The following CADPS variants were observed in gnomAD, a reference collection of about 807,000 sequenced individuals.
CADPS encodes the protein calcium-dependent secretion activator 1.
A neutral mutation model predicts 167.3 loss-of-function variants in CADPS; 57 were observed. The ratio of observed to expected loss-of-function variants is 0.34; its 90% CI spans 0.28 to 0.42. The LOEUF is 0.42. Among genes scored for constraint, CADPS ranks in the 20% least tolerant of loss-of-function variants. The probability of loss-of-function intolerance (pLI) is 1.00; values close to 1 mark genes in which losing one functional copy is unlikely to be tolerated. For missense variants in CADPS, 1,414 were observed against 1,738.1 expected (o/e 0.81, Z 3.32); for synonymous variants, 676 against 635.3 (o/e 1.06, Z -0.96).
intron 10 of CADPS, 97 bp downstream of exon 10, chr3:62,557,308 G>A (rs975534958): frequency 4.9e-5 from 40 of 813,398 alleles, no homozygotes; most frequent in Non-Finnish European, 7.4e-5. Context: ...TTGACTTAGT[G>A]CCTAGCATGG....
chr3:62,734,753 C>G lies in CADPS; in HGVS notation c.888+18688G>C, dbSNP rs142769447. 1.8e-4 allele frequency among the ~76,000 whole-genome samples: 27 copies of G among 152,214 alleles called. 1 individual carries two copies. In the East Asian group the frequency reaches 5.2e-3, roughly 29 times the overall value. On this transcript the variant is annotated intron_variant, in intron 3 of 29. Coordinates refer to ENST00000383710, the MANE Select transcript of CADPS (RefSeq NM_003716.4). ...TATTCTAACTTTAGAAATAAAACTGCTACAAATATTCTTGTGCATATCTTT... is the reference window on the plus strand; with the variant it reads ...TATTCTAACTTTAGAAATAAAACTGGTACAAATATTCTTGTGCATATCTTT...
chr3:62,866,785 T>G (rs891426047), intron 1 of CADPS, among the ~76,000 whole-genome samples: 8 of 152,066 alleles, frequency 5.3e-5, no homozygotes, highest in African/African-American at 1.9e-4. Flanking sequence ...TACCCCATAT[T>G]AAAGATTTTA....
intron 3 of CADPS, among the ~76,000 whole-genome samples, chr3:62,685,034 AT>A (rs11321802): frequency 0.56 from 84,674 of 151,838 alleles, 24,587 homozygotes; most frequent in East Asian, 0.95. Context: ...AAGTAGACTG[AT>A]TTTACTACTT....
At chr3:62,828,065 TATG>T (rs2074383429) in intron 1 of CADPS, among the ~76,000 whole-genome samples, 1 of 152,170 alleles carries the variant, frequency 6.6e-6, no homozygotes, top group Non-Finnish European at 1.5e-5. Flanking sequence ...GGGACTGTCC[TATG>T]CCTTGTGGGG....
At chr3:62,552,744 G>A (rs538589112) in intron 10 of CADPS, among the ~76,000 whole-genome samples, 1 of 152,256 alleles carries the variant, frequency 6.6e-6, no homozygotes, top group African/African-American at 2.4e-5. Context: ...ACTTGGAATG[G>A]CCAGGGATTT....
chr3:62,494,122 A>G (rs969928927), intron 18 of CADPS, among the ~76,000 whole-genome samples: 1 of 152,230 alleles, frequency 6.6e-6, no homozygotes, highest in Non-Finnish European at 1.5e-5. Flanking sequence ...CAAGTTAAAT[A>G]TATTACATAA....
chr3:62,725,890 A>G (rs2076660566), intron 3 of CADPS, among the ~76,000 whole-genome samples: 1 of 151,766 alleles, frequency 6.6e-6, no homozygotes, highest in Admixed American at 6.6e-5. Context: ...ACCACTCTCC[A>G]TTTCAAACAC....
intron 16 of CADPS, 72 bp downstream of exon 16, chr3:62,515,986 GA>G (rs367979076): frequency 1.9e-6 from 3 of 1,583,138 alleles, no homozygotes; most frequent in South Asian, 2.2e-5. Context: ...GTGCCCTTGA[GA>G]AAAGAGAAAG....
chr3:62,492,141 G>A (rs754337974), intron 20 of CADPS, 149 bp downstream of exon 20: 2 of 684,420 alleles, frequency 2.9e-6, no homozygotes, highest in Admixed American at 2.4e-5. Context: ...CCCTTCAGCT[G>A]TATGTTTCTT....
At chr3:62,694,659 A>G (rs1415272088) in intron 3 of CADPS, among the ~76,000 whole-genome samples, 3 of 152,088 alleles carry the variant, frequency 2.0e-5, no homozygotes, top group African/African-American at 7.2e-5. Context: ...CTGACAAAGC[A>G]TTTTGACAGC....
chr3:62,718,988 G>A lies in CADPS; in HGVS notation c.888+34453C>T, dbSNP rs149291092. 9.2e-5 allele frequency among the ~76,000 whole-genome samples: 14 copies of A among 152,300 alleles called. No individual in the cohort carries two copies. The East Asian group carries it at 1.7e-3, about 19-fold the overall frequency. Reference sequence around the variant, plus strand: ...GACCTGTGACTATAGAACATTTTTCGTGAGGGGAAGGAATCAGAAGGCCTT... The same window carrying A: ...GACCTGTGACTATAGAACATTTTTCATGAGGGGAAGGAATCAGAAGGCCTT... On this transcript the variant is annotated intron_variant, in intron 3 of 29. Transcript: ENST00000383710.
At position 62,478,015 on chromosome 3, in the gene CADPS, T is replaced by C; in HGVS notation, c.3329+246A>G. ...ATACAAAAAAGAATGGACAGGGATC[T>C]TTTCCTCTTAAAGCCAACAACCATG... is the stretch of plus-strand genomic sequence containing the variant. On this transcript the variant is annotated intron_variant, in intron 23 of 29. Coordinates refer to ENST00000383710, the MANE Select transcript of CADPS (RefSeq NM_003716.4). This position sits in a 1 kb window ranked among gnomAD's most constrained non-coding sequence, Gnocchi z 5.7. The C allele has an allele frequency of 2.1e-6, 1 of 468,282 alleles. No homozygotes were observed. Among genetic ancestry groups the C allele is most frequent in the Non-Finnish European group, 3.8e-6 (1 of 259,988 alleles). The allele number at this position is 468,282 out of a possible 1,614,324, so 29.0% of individuals were successfully genotyped here.
chr3:62,711,815 C>T (rs1260867693), intron 3 of CADPS, among the ~76,000 whole-genome samples: 1 of 152,154 alleles, frequency 6.6e-6, no homozygotes, highest in Admixed American at 6.5e-5. Flanking sequence ...ATTCTAAGAG[C>T]TATATGCATG....
intron 3 of CADPS, among the ~76,000 whole-genome samples, chr3:62,679,685 C>T (rs1461682664): frequency 2.0e-5 from 3 of 152,024 alleles, no homozygotes; most frequent in East Asian, 3.9e-4. Flanking sequence ...GTCAGCACTG[C>T]CCAAGACTTT....
chr3:62,870,456 C>G (rs1307546819), intron 1 of CADPS, among the ~76,000 whole-genome samples: 1 of 152,062 alleles, frequency 6.6e-6, no homozygotes, highest in Non-Finnish European at 1.5e-5. Flanking sequence ...GCTTTTTAGT[C>G]TTGCCCAAAT....
At chr3:62,477,406 G>C (rs917489459) in intron 23 of CADPS, among the ~76,000 whole-genome samples, 1 of 151,728 alleles carries the variant, frequency 6.6e-6, no homozygotes, top group Admixed American at 6.6e-5. Flanking sequence ...ACAGAGTGAT[G>C]ATGATGATGT....
intron 9 of CADPS, among the ~76,000 whole-genome samples, chr3:62,564,304 G>T (rs2079728968): frequency 6.6e-6 from 1 of 151,996 alleles, no homozygotes. Context: ...CCTGGCCTGT[G>T]TTAGGTTTCA....
In CADPS at chr3:62,637,942, C is replaced by A. The variant is rs558338786; in HGVS notation, c.1325+7780G>T. Among the ~76,000 whole-genome samples, 461 of 152,114 alleles carry A rather than the reference C, an allele frequency of 3.0e-3. 2 individuals are homozygous for A. The highest frequency in any genetic ancestry group is 0.01 in the African/African-American group (428 of 41,508). ...ACCTGGTCCATAGAAAATACTGAAT[C>A]AACGTTAATGATCACTGTTTTAGAC... On this transcript the variant is annotated intron_variant, in intron 6 of 29. Transcript: ENST00000383710.
intron 1 of CADPS, among the ~76,000 whole-genome samples, chr3:62,843,516 T>C (rs1200693028): frequency 6.6e-6 from 1 of 152,120 alleles, no homozygotes; most frequent in African/African-American, 2.4e-5. Context: ...TGTGTGTGTG[T>C]GTCTATGTGT....
Sources: allele counts gnomAD v4.1 joint callset (sites outside exome capture counted in the v4.1 genomes callset), GRCh38; gene constraint gnomAD v4.1.1; non-coding constraint Gnocchi (gnomAD v3.1); transcripts MANE v1.5; gene names NCBI Gene and HGNC (gene_info 2026-07-23, HGNC 2026-07-21).